GPC6: variants seen among roughly 807,000 people sequenced by gnomAD.
GPC6 encodes the protein glypican-6.
A neutral mutation model predicts 55.2 loss-of-function variants in GPC6; 14 were observed. That is an observed-to-expected ratio of 0.25 (90% confidence interval 0.17 to 0.40). The LOEUF is 0.40. Among genes scored for constraint, GPC6 ranks in the 10% least tolerant of loss-of-function variants. The probability of loss-of-function intolerance (pLI) is 1.00; values close to 1 mark genes in which losing one functional copy is unlikely to be tolerated. For synonymous variants in GPC6, 278 were observed against 259.6 expected, an observed-to-expected ratio of 1.07 and a Z score of -0.68; for missense variants, 641 against 708.5, an observed-to-expected ratio of 0.90 and a Z score of 1.08.
chr13:93,910,081 C>G (rs1876886193), intron 3 of GPC6, among the ~76,000 whole-genome samples: 1 of 146,696 alleles, frequency 6.8e-6, no homozygotes, highest in Non-Finnish European at 1.5e-5. Flanking sequence ...GTGTGTGTGT[C>G]TTTGTGGCTG....
At chr13:93,818,074 CAT>C (rs1357835608) in intron 2 of GPC6, among the ~76,000 whole-genome samples, 1 of 146,740 alleles carries the variant, frequency 6.8e-6, no homozygotes, top group African/African-American at 2.5e-5. Flanking sequence ...TAATATAAAT[CAT>C]ATATATTTAT....
At chr13:93,261,976 A>G (rs1243865552) in intron 1 of GPC6, among the ~76,000 whole-genome samples, 1 of 150,582 alleles carries the variant, frequency 6.6e-6, no homozygotes, top group Non-Finnish European at 1.5e-5. Context: ...ACTTGCATAT[A>G]TTATATATTT....
intron 1 of GPC6, among the ~76,000 whole-genome samples, chr13:93,374,427 G>A (rs1445323127): frequency 1.3e-5 from 2 of 152,088 alleles, no homozygotes; most frequent in African/African-American, 2.4e-5. Flanking sequence ...CCTCTCTTAC[G>A]GGGTATCCTC....
At chr13:94,264,974 G>A (rs749332007) in intron 4 of GPC6, among the ~76,000 whole-genome samples, 1 of 152,140 alleles carries the variant, frequency 6.6e-6, no homozygotes, top group Non-Finnish European at 1.5e-5. Context: ...AGAACGGTAT[G>A]GGGGAAACTG....
intron 4 of GPC6, among the ~76,000 whole-genome samples, chr13:94,108,431 T>A (rs548405352): frequency 6.6e-6 from 1 of 152,266 alleles, no homozygotes; most frequent in South Asian, 2.1e-4. Context: ...TACGTTCTTG[T>A]ATGCTGCTTA....
At chr13:94,229,947 C>G (rs1329871929) in intron 4 of GPC6, among the ~76,000 whole-genome samples, 1 of 151,990 alleles carries the variant, frequency 6.6e-6, no homozygotes, top group East Asian at 1.9e-4. Flanking sequence ...GAGAAGATGC[C>G]CAAGTTACTA....
At chr13:93,351,592 T>C (rs1880634481) in intron 1 of GPC6, among the ~76,000 whole-genome samples, 1 of 152,168 alleles carries the variant, frequency 6.6e-6, no homozygotes, top group African/African-American at 2.4e-5. Context: ...GGATATTGAA[T>C]GTTCCCAACA....
chr13:93,852,901 T>A (rs1332513424), intron 3 of GPC6, among the ~76,000 whole-genome samples: 1 of 151,696 alleles, frequency 6.6e-6, no homozygotes, highest in East Asian at 1.9e-4. Context: ...TAAAGTTTAT[T>A]TTGTACAAAA....
At chr13:94,211,954 G>A (rs1011077999) in intron 4 of GPC6, among the ~76,000 whole-genome samples, 2 of 152,128 alleles carry the variant, frequency 1.3e-5, no homozygotes, top group African/African-American at 2.4e-5. Flanking sequence ...TCTTGGTTAA[G>A]GGGGCTAATT....
At chr13:93,956,952 A>G (rs983369720) in intron 3 of GPC6, among the ~76,000 whole-genome samples, 4 of 152,156 alleles carry the variant, frequency 2.6e-5, no homozygotes, top group Admixed American at 6.5e-5. Flanking sequence ...CTTGAAAACT[A>G]TTGTACAAAT....
chr13:93,834,822 G>A (rs921510803), intron 3 of GPC6, among the ~76,000 whole-genome samples: 1 of 152,130 alleles, frequency 6.6e-6, no homozygotes, highest in Admixed American at 6.6e-5. Flanking sequence ...TGTCAGAAAG[G>A]CATGGAAGGA....
At chr13:93,611,600 A>G (rs964915460) in intron 2 of GPC6, among the ~76,000 whole-genome samples, 16 of 152,148 alleles carry the variant, frequency 1.1e-4, no homozygotes, top group African/African-American at 3.9e-4. Context: ...ATAAACCTGG[A>G]TAGATCCATG....
At chr13:93,233,259 C>T (rs2139005049) in intron 1 of GPC6, among the ~76,000 whole-genome samples, 1 of 151,030 alleles carries the variant, frequency 6.6e-6, no homozygotes, top group Middle Eastern at 3.4e-3. Flanking sequence ...TTTTAAAATT[C>T]TAATAATCCT....
intron 1 of GPC6, among the ~76,000 whole-genome samples, chr13:93,514,020 C>T (rs1427395012): frequency 6.6e-6 from 1 of 151,670 alleles, no homozygotes; most frequent in Non-Finnish European, 1.5e-5. Flanking sequence ...ATTACAGGCA[C>T]CCACCACCAC....
At chr13:93,694,741 T>C (rs1298501322) in intron 2 of GPC6, among the ~76,000 whole-genome samples, 1 of 152,148 alleles carries the variant, frequency 6.6e-6, no homozygotes, top group Non-Finnish European at 1.5e-5. Flanking sequence ...GGTCCTACTC[T>C]CAGGCAAACA....
chr13:93,302,918 A>G (rs1484444648), intron 1 of GPC6, among the ~76,000 whole-genome samples: 3 of 152,230 alleles, frequency 2.0e-5, no homozygotes, highest in Non-Finnish European at 4.4e-5. Flanking sequence ...TCTACTTAGG[A>G]GATTTGCAAA....
rs369556706 is a variant in GPC6 at position 93,661,783 on chromosome 13, A to G, written c.319+116362A>G. On this transcript the variant is annotated intron_variant, in intron 2 of 8. Coordinates refer to ENST00000377047, the MANE Select transcript of GPC6 (RefSeq NM_005708.5). ...AGGATTTATGAGGCAGGGGTTGCCA[A>G]TCTTTACTACAGATTAATCACTTTA... Among the ~76,000 whole-genome samples the G allele has an allele frequency of 1.4e-4, 21 of 152,316 alleles. No homozygotes were observed. In the East Asian group the frequency reaches 3.9e-3, roughly 28 times the overall value.
chr13:93,692,415 T>C (rs1043914685), intron 2 of GPC6, among the ~76,000 whole-genome samples: 6 of 152,136 alleles, frequency 3.9e-5, no homozygotes, highest in African/African-American at 1.4e-4. Context: ...TATTAAGTCA[T>C]ATAATTGTTT....
intron 6 of GPC6, among the ~76,000 whole-genome samples, chr13:94,341,229 G>C (rs965287924): frequency 6.6e-6 from 1 of 152,192 alleles, no homozygotes; most frequent in African/African-American, 2.4e-5. Flanking sequence ...ACTCAGGCTA[G>C]TAGTAGTTTC....
Sources: allele counts gnomAD v4.1 joint callset (sites outside exome capture counted in the v4.1 genomes callset), GRCh38; gene constraint gnomAD v4.1.1; transcripts MANE v1.5; gene names NCBI Gene and HGNC (gene_info 2026-07-23, HGNC 2026-07-21).